DDX60L: variants seen among roughly 807,000 people sequenced by gnomAD.
DDX60L encodes probable ATP-dependent RNA helicase DDX60-like.
DDX60L carries 191 observed loss-of-function variants against 211.6 expected under a neutral mutation model. The ratio of observed to expected loss-of-function variants is 0.90; its 90% CI spans 0.80 to 1.02. The LOEUF is 1.02. Among genes scored for constraint, DDX60L ranks in the 50% least tolerant of loss-of-function variants. DDX60L has a pLI of 0.00. For synonymous variants in DDX60L, 706 were observed against 694.1 expected (o/e 1.02, Z -0.27); for missense variants, 2,007 against 1,984.1 (o/e 1.01, Z -0.22).
At chr4:168,467,834 G>A (rs766481011) in intron 4 of DDX60L, among the ~76,000 whole-genome samples, 21 of 152,042 alleles carry the variant, frequency 1.4e-4, no homozygotes, top group Non-Finnish European at 2.6e-4. Flanking sequence ...TCACCAGGTC[G>A]GCATGATCCT....
At chr4:168,450,248 C>G (rs62336667) in intron 8 of DDX60L, among the ~76,000 whole-genome samples, 2 of 152,234 alleles carry the variant, frequency 1.3e-5, no homozygotes, top group Non-Finnish European at 2.9e-5. Flanking sequence ...CAGCTGACAT[C>G]AGCCAGCTCT....
intron 5 of DDX60L, 36 bp from the exon 6 acceptor site, chr4:168,458,044 A>G: frequency 1.6e-6 from 2 of 1,247,860 alleles, no homozygotes; most frequent in Non-Finnish European, 2.2e-6. Context: ...AATATCTTAA[A>G]TAAAGTATTT....
intron 26 of DDX60L, among the ~76,000 whole-genome samples, chr4:168,400,407 G>C (rs531932536): frequency 2.6e-5 from 4 of 152,126 alleles, no homozygotes; most frequent in African/African-American, 4.8e-5. Flanking sequence ...GGGTTGAATG[G>C]TATTTCTGTC....
chr4:168,421,693 C>T (rs28472390), intron 17 of DDX60L, 67 bp downstream of exon 17: 4 of 1,569,112 alleles, frequency 2.5e-6, no homozygotes, highest in South Asian at 1.2e-5. Flanking sequence ...AGCATGTGAC[C>T]GTGTGCATTC....
At chr4:168,379,951 A>G in intron 30 of DDX60L, 121 bp from the exon 31 acceptor site, 2 of 610,890 alleles carry the variant, frequency 3.3e-6, no homozygotes, top group Non-Finnish European at 5.4e-6. Context: ...CGTGAAAGTA[A>G]ATTTCATTTG....
intron 14 of DDX60L, among the ~76,000 whole-genome samples, chr4:168,425,884 C>T (rs181129804): frequency 2.6e-5 from 4 of 152,324 alleles, no homozygotes; most frequent in Non-Finnish European, 4.4e-5. Context: ...ACACTACAAG[C>T]CATATGAAGA....
chr4:168,366,087 G>A (rs115366644), intron 36 of DDX60L, among the ~76,000 whole-genome samples: 3,137 of 152,100 alleles, frequency 0.021, 45 homozygotes, highest in Middle Eastern at 0.041. Flanking sequence ...AATAAGACAA[G>A]GATGCCGACT....
At chr4:168,470,827 C>G in intron 4 of DDX60L, 1 of 248,188 alleles carries the variant, frequency 4.0e-6, no homozygotes. Flanking sequence ...GCAAAAAGAG[C>G]GAAACTCCAT....
At chr4:168,419,594 T>C (rs891949121) in intron 18 of DDX60L, among the ~76,000 whole-genome samples, 197 bp from the exon 19 acceptor site, 4 of 152,262 alleles carry the variant, frequency 2.6e-5, no homozygotes, top group Non-Finnish European at 5.9e-5. Flanking sequence ...GCTTCTACTC[T>C]GTAACGACTG....
intron 9 of DDX60L, among the ~76,000 whole-genome samples, chr4:168,448,028 T>TAAAAA (rs879442178): frequency 8.6e-4 from 125 of 145,920 alleles, no homozygotes; most frequent in Middle Eastern, 7.1e-3. Context: ...TAAAGTATAA[T>TAAAAA]AAAAAAAAAA....
Position 168,373,556 on chromosome 4 carries a change from T to A in DDX60L, c.4776+110A>T, listed in dbSNP as rs1741398265. ...TCTCTTAGACAATGATGCTCATCAG[T>A]GGACATTTTTCAGTGTTTTGGGTTT... On this transcript the variant is annotated intron_variant, in intron 35 of 37. Coordinates refer to ENST00000682922, the MANE Select transcript of DDX60L (RefSeq NM_001012967.3). 3 of 1,077,558 alleles carry A rather than the reference T, an allele frequency of 2.8e-6. No individual in the cohort carries two copies. The East Asian group carries it at 7.2e-5, about 26-fold the overall frequency. The allele number at this position is 1,077,558 out of a possible 1,614,324, so 66.7% of individuals were successfully genotyped here.
Position 168,415,393 on chromosome 4 carries a change from C to T in DDX60L, c.2979+15G>A, listed in dbSNP as rs372096441. On this transcript the variant is annotated intron_variant, in intron 22 of 37. Coordinates refer to ENST00000682922, the MANE Select transcript of DDX60L (RefSeq NM_001012967.3). Reference sequence around the variant, plus strand: ...AAAAATTCCACTAACAGGACAAATACACTTTTATACTTACAATATCTGTCG... The same window carrying T: ...AAAAATTCCACTAACAGGACAAATATACTTTTATACTTACAATATCTGTCG... 9.6e-6 allele frequency: 15 copies of T among 1,554,574 alleles called. No homozygotes were observed. The highest frequency in any genetic ancestry group is 1.4e-5 in the African/African-American group (1 of 73,296).
In DDX60L at chr4:168,378,398, G is replaced by A; in HGVS notation, c.4441C>T (p.Pro1481Ser). Reference sequence around the variant, plus strand: ...AAATTAGCATTTTGGAATTTTGCTGGAATATATTTTCTTCCAAACAAATTT... The same window carrying A: ...AAATTAGCATTTTGGAATTTTGCTGAAATATATTTTCTTCCAAACAAATTT... ...LANLFGRKYI[P>S]AKFQNANLSF... Residue 1481 changes from proline to serine, a missense_variant, in exon 33 of 38, where the codon CCA becomes TCA. Transcript: ENST00000682922. The A allele has an allele frequency of 6.6e-7, 1 of 1,520,348 alleles. No individual in the cohort carries two copies. The highest frequency in any genetic ancestry group is 1.2e-5 in the South Asian group (1 of 82,788). The allele number at this position is 1,520,348 out of a possible 1,614,324, so 94.2% of individuals were successfully genotyped here. A position where few individuals can be genotyped will look rare whatever the true frequency, so the allele number is the denominator to read the frequency against.
At chr4:168,460,376 G>A (rs1757161202) in intron 5 of DDX60L, among the ~76,000 whole-genome samples, 1 of 152,084 alleles carries the variant, frequency 6.6e-6, no homozygotes, top group African/African-American at 2.4e-5. Context: ...TTCTTTGTCA[G>A]TCTTCTTCAT....
At chr4:168,390,079 C>T (rs558991243) in intron 29 of DDX60L, 490 of 967,414 alleles carry the variant, frequency 5.1e-4, no homozygotes, top group Admixed American at 1.0e-3. Flanking sequence ...ACCTGACCCT[C>T]GAGAAACAAA....
At chr4:168,442,283 G>T (rs1011942119) in intron 9 of DDX60L, among the ~76,000 whole-genome samples, 19 of 152,192 alleles carry the variant, frequency 1.2e-4, no homozygotes, top group African/African-American at 4.6e-4. Flanking sequence ...CCAGAATACT[G>T]CACTTTTGCG....
chr4:168,405,573 T>G (rs1747606866), intron 24 of DDX60L, among the ~76,000 whole-genome samples: 8 of 152,216 alleles, frequency 5.3e-5, no homozygotes, highest in Admixed American at 5.2e-4. Flanking sequence ...TGCACAAAAC[T>G]TTCTTAGATT....
chr4:168,448,148 C>T (rs1296538440), intron 9 of DDX60L, among the ~76,000 whole-genome samples: 2 of 152,004 alleles, frequency 1.3e-5, no homozygotes, highest in East Asian at 1.9e-4. Flanking sequence ...GAATTAAATG[C>T]CAGAGGTCCA....
chr4:168,375,502 TC>T lies in DDX60L; in HGVS notation c.4507del (p.Glu1503ArgfsTer14). 1 of 1,610,778 alleles carries T rather than the reference TC, an allele frequency of 6.2e-7. No individual in the cohort carries two copies. Among genetic ancestry groups the T allele is most frequent in the Non-Finnish European group, 8.5e-7 (1 of 1,178,672 alleles). On this transcript the variant is annotated frameshift_variant, in exon 34 of 38. Coordinates refer to ENST00000682922, the MANE Select transcript of DDX60L (RefSeq NM_001012967.3). LOFTEE classifies it high-confidence loss of function. Reference sequence around the variant, plus strand: ...CTCATATAAAGCAGCTTTAAAATCCTCCGGGAGTTCGGCAAGGATCACCTAT... The same window carrying T: ...CTCATATAAAGCAGCTTTAAAATCCTCGGGAGTTCGGCAAGGATCACCTAT... ...QSKVILAELP[E>X]DFKAALYEYN...
Sources: gnomAD v4.1 joint callset for allele counts (sites outside exome capture counted in the v4.1 genomes callset) on GRCh38, gnomAD v4.1.1 for gene constraint, MANE v1.5 for transcripts, NCBI Gene and HGNC (gene_info 2026-07-23, HGNC 2026-07-21) for gene names.